Variants in ZBTB20 observed in about 807,000 individuals in gnomAD.
ZBTB20 encodes the protein zinc finger and BTB domain-containing protein 20.
ZBTB20 carries 9 observed loss-of-function variants against 56.9 expected under a neutral mutation model. That is an observed-to-expected ratio of 0.16 (90% confidence interval 0.10 to 0.28). The LOEUF (loss-of-function observed/expected upper bound fraction) is 0.28. ZBTB20 is among the 10% of genes least tolerant of loss of function. ZBTB20 has a pLI of 1.00. For synonymous variants in ZBTB20, 417 were observed against 420.7 expected (o/e 0.99, Z 0.11); for missense variants, 655 against 1,003.0 (o/e 0.65, Z 4.69).
chr3:114,918,525 T>G (rs534655041), intron 3 of ZBTB20, among the ~76,000 whole-genome samples: 2 of 152,300 alleles, frequency 1.3e-5, no homozygotes, highest in South Asian at 4.1e-4. Flanking sequence ...TGACATGTAC[T>G]GCCTGGATAT....
intron 11 of ZBTB20, among the ~76,000 whole-genome samples, chr3:114,349,199 CAAAAA>C (rs35387890): frequency 7.3e-4 from 85 of 116,356 alleles, no homozygotes; most frequent in Middle Eastern, 4.2e-3. Context: ...GACCCTGTCT[CAAAAA>C]AAAAAAAAAA....
chr3:115,050,374 GT>G (rs1195186891), intron 2 of ZBTB20, among the ~76,000 whole-genome samples: 6 of 151,746 alleles, frequency 4.0e-5, no homozygotes, highest in Admixed American at 2.0e-4. Flanking sequence ...CTTCAAAAGA[GT>G]TTTTTTATGA....
At chr3:115,022,843 T>C (rs2080261968) in intron 2 of ZBTB20, among the ~76,000 whole-genome samples, 1 of 151,118 alleles carries the variant, frequency 6.6e-6, no homozygotes, top group Non-Finnish European at 1.5e-5. Flanking sequence ...GGAATAAATA[T>C]ATTACCTTCA....
chr3:114,557,777 A>G (rs2051441044), intron 6 of ZBTB20, among the ~76,000 whole-genome samples: 1 of 151,898 alleles, frequency 6.6e-6, no homozygotes, highest in Non-Finnish European at 1.5e-5. Flanking sequence ...TTATATATGA[A>G]TGTGATTGAG....
chr3:115,049,411 C>G (rs1354801299), intron 2 of ZBTB20, among the ~76,000 whole-genome samples: 1 of 151,972 alleles, frequency 6.6e-6, no homozygotes, highest in African/African-American at 2.4e-5. Flanking sequence ...CAAAGTGTTT[C>G]GTATTTCAGA....
At chr3:114,521,466 A>C (rs2109933356) in intron 6 of ZBTB20, among the ~76,000 whole-genome samples, 1 of 152,264 alleles carries the variant, frequency 6.6e-6, no homozygotes, top group South Asian at 2.1e-4. Context: ...AAAGGTAGAC[A>C]ATATTTTGTG....
At chr3:114,386,532 G>C (rs1002986978) in intron 8 of ZBTB20, among the ~76,000 whole-genome samples, 1 of 152,140 alleles carries the variant, frequency 6.6e-6, no homozygotes, top group African/African-American at 2.4e-5. Flanking sequence ...TAAACTGAAG[G>C]GGCAAGTAAA....
chr3:115,113,159 A>T (rs2083926641), intron 1 of ZBTB20, among the ~76,000 whole-genome samples: 1 of 152,006 alleles, frequency 6.6e-6, no homozygotes, highest in Non-Finnish European at 1.5e-5. Flanking sequence ...TTTACTGTTG[A>T]GTTGTTTGAG....
intron 6 of ZBTB20, among the ~76,000 whole-genome samples, chr3:114,597,038 A>C (rs6774388): frequency 0.85 from 127,267 of 150,056 alleles, 53,609 homozygotes; most frequent in East Asian, 0.97. Context: ...AAAGCAAATT[A>C]AAAAAATATA....
chr3:114,775,585 G>A (rs2069540259), intron 5 of ZBTB20, among the ~76,000 whole-genome samples: 1 of 148,616 alleles, frequency 6.7e-6, no homozygotes, highest in Admixed American at 6.8e-5. Flanking sequence ...AAAACTGTTT[G>A]TTTGCTCTGA....
chr3:114,515,242 C>T (rs771870706), intron 6 of ZBTB20, among the ~76,000 whole-genome samples: 2 of 152,174 alleles, frequency 1.3e-5, no homozygotes, highest in Non-Finnish European at 1.5e-5. Context: ...GTTTTTTCCT[C>T]TTTTCTCCCA....
intron 4 of ZBTB20, among the ~76,000 whole-genome samples, chr3:114,803,481 C>A (rs1020037589): frequency 2.0e-5 from 3 of 151,714 alleles, no homozygotes; most frequent in South Asian, 2.1e-4. Context: ...TCTTACTTTG[C>A]GCCAGGACTC....
chr3:114,857,903 C>T (rs2075324435), intron 4 of ZBTB20, among the ~76,000 whole-genome samples: 2 of 152,258 alleles, frequency 1.3e-5, no homozygotes, highest in South Asian at 2.1e-4. Context: ...AGGCCAATCC[C>T]TTTGTTCCAC....
At chr3:114,814,271 T>A (rs540775689) in intron 4 of ZBTB20, among the ~76,000 whole-genome samples, 51 of 149,282 alleles carry the variant, frequency 3.4e-4, no homozygotes, top group African/African-American at 1.1e-3. Context: ...GTCATTTATA[T>A]TTATATAAAT....
At chr3:115,035,784 C>G (rs1181992664) in intron 2 of ZBTB20, among the ~76,000 whole-genome samples, 1 of 152,058 alleles carries the variant, frequency 6.6e-6, no homozygotes, top group East Asian at 1.9e-4. Context: ...ATTCACAACA[C>G]CCATATTCAC....
Position 114,353,309 on chromosome 3 carries a change from C to T in ZBTB20, c.200-1431G>A, listed in dbSNP as rs78192566. On this transcript the variant is annotated intron_variant, in intron 10 of 11. Transcript: ENST00000675478. ...TAGGAAGAAGGCCTACCTCCTCAAA[C>T]TCTTTCCGCTCTACCTTGCGATAGA... 6.1e-3 allele frequency among the ~76,000 whole-genome samples: 929 copies of T among 152,344 alleles called. 8 individuals are homozygous for T. Among genetic ancestry groups the T allele is most frequent in the Non-Finnish European group, 0.011 (754 of 68,022 alleles).
intron 6 of ZBTB20, among the ~76,000 whole-genome samples, chr3:114,515,057 C>G (rs573807071): frequency 1.3e-5 from 2 of 152,256 alleles, no homozygotes; most frequent in South Asian, 4.1e-4. Context: ...CACTGACCAC[C>G]AGGCTATGTT....
intron 6 of ZBTB20, among the ~76,000 whole-genome samples, chr3:114,660,009 G>A (rs751971847): frequency 4.6e-5 from 7 of 151,930 alleles, no homozygotes; most frequent in Non-Finnish European, 1.0e-4. Context: ...AAAAATTCTA[G>A]TTCCATGAAA....
chr3:114,978,524 T>C (rs900047488), intron 2 of ZBTB20, among the ~76,000 whole-genome samples: 1 of 151,590 alleles, frequency 6.6e-6, no homozygotes. Flanking sequence ...AATACATCAT[T>C]AAGCTTAGAA....
Sources: gnomAD v4.1 joint callset for allele counts (sites outside exome capture counted in the v4.1 genomes callset) on GRCh38, gnomAD v4.1.1 for gene constraint, MANE v1.5 for transcripts, NCBI Gene and HGNC (gene_info 2026-07-23, HGNC 2026-07-21) for gene names.